The following HOMEZ variants were observed in gnomAD, a reference collection of about 807,000 sequenced individuals.
HOMEZ encodes the protein homeobox and leucine zipper protein Homez.
In HOMEZ, 20 loss-of-function variants were observed where a neutral mutation model predicts 50.1. That is an observed-to-expected ratio of 0.40 (90% CI 0.28 to 0.58). The LOEUF is 0.58. Ranked by LOEUF, HOMEZ falls within the 20% of genes least tolerant of loss-of-function variation. The probability of loss-of-function intolerance (pLI) is 0.46; values close to 1 mark genes in which losing one functional copy is unlikely to be tolerated. For synonymous variants in HOMEZ, 239 were observed against 254.7 expected (o/e 0.94, Z 0.59); for missense variants, 579 against 680.5 (o/e 0.85, Z 1.66).
At chr14:23,279,829 G>A (rs961932029) in intron 1 of HOMEZ, among the ~76,000 whole-genome samples, 1 of 152,068 alleles carries the variant, frequency 6.6e-6, no homozygotes, top group African/African-American at 2.4e-5. Flanking sequence ...CCAGGCTGGC[G>A]TGCTATGCAT....
rs1026766977 is a variant in HOMEZ, at chr14:23,273,381, T to G, written c.*2194A>C. ...TCTATGCTTAGTTACTATTAAATGTTAATTTTCCTTTCTATTGAAAACAAC... is the reference window on the plus strand; with the variant it reads ...TCTATGCTTAGTTACTATTAAATGTGAATTTTCCTTTCTATTGAAAACAAC... On this transcript the variant is annotated 3_prime_UTR_variant, in exon 2 of 2. Coordinates refer to ENST00000357460, the MANE Select transcript of HOMEZ (RefSeq NM_020834.3). The G allele has an allele frequency of 5.2e-5, 8 of 152,616 alleles. No individual in the cohort carries two copies. Among genetic ancestry groups the G allele is most frequent in the African/African-American group, 1.9e-4 (8 of 41,588 alleles). 9.5% of individuals were successfully genotyped at this position (152,616 alleles called of 1,614,324 possible).
At chr14:23,281,751 C>A (rs1191701876) in intron 1 of HOMEZ, among the ~76,000 whole-genome samples, 4 of 151,076 alleles carry the variant, frequency 2.6e-5, no homozygotes, top group Admixed American at 2.6e-4. Context: ...ATGGTTTGAG[C>A]CCAGGAGTTT....
chr14:23,281,798 C>CAAATAATA (rs1467056295), intron 1 of HOMEZ, among the ~76,000 whole-genome samples: 5 of 92,890 alleles, frequency 5.4e-5, no homozygotes, highest in African/African-American at 2.0e-4. Context: ...ACTGTCTCTA[C>CAAATAATA]AAATAATAAT....
At chr14:23,282,396 T>C (rs929673418) in intron 1 of HOMEZ, among the ~76,000 whole-genome samples, 2 of 151,700 alleles carry the variant, frequency 1.3e-5, no homozygotes, top group Admixed American at 6.6e-5. Context: ...GGTGTGTCAG[T>C]TGCCTATGTG....
chr14:23,272,562 A>G lies in HOMEZ; in HGVS notation c.*3013T>C, dbSNP rs1886186106. 1 of 467,816 alleles carries G rather than the reference A, an allele frequency of 2.1e-6. No individual in the cohort carries two copies. The highest frequency in any genetic ancestry group is 2.2e-5 in the South Asian group (1 of 45,136). The allele number at this position is 467,816 out of a possible 1,614,324, so 29.0% of individuals were successfully genotyped here. A position where few individuals can be genotyped will look rare whatever the true frequency, so the allele number is the denominator to read the frequency against. On this transcript the variant is annotated 3_prime_UTR_variant, in exon 2 of 2. Transcript: ENST00000357460. ...TCTGGGTGTGGTAGTCATATGTCCC[A>G]GATTTTCCAAAATAGTTTAATTTTC...
rs148005528 is a variant in HOMEZ at position 23,275,591 on chromosome 14, ACATCATCAT to A, written c.1628_1636del (p.Asp543_Asp545del). 1.9e-5 allele frequency: 28 copies of A among 1,498,404 alleles called. No homozygotes were observed. The East Asian group carries it at 4.5e-4, about 24-fold the overall frequency. 92.8% of individuals were successfully genotyped at this position (1,498,404 alleles called of 1,614,324 possible). A position where few individuals can be genotyped will look rare whatever the true frequency, so the allele number is the denominator to read the frequency against. On this transcript the variant is annotated inframe_deletion, in exon 2 of 2. Coordinates refer to ENST00000357460, the MANE Select transcript of HOMEZ (RefSeq NM_020834.3). ...GCTCCCCACTCAGTCTTGTATGATCACATCATCATCATCATCATCATCATCTTCCTCCTC... is the reference window on the plus strand; with the variant it reads ...GCTCCCCACTCAGTCTTGTATGATCACATCATCATCATCATCTTCCTCCTC...
At chr14:23,285,093 CA>C (rs1022378669) in intron 1 of HOMEZ, 6 of 152,166 alleles carry the variant, frequency 3.9e-5, no homozygotes, top group African/African-American at 1.4e-4. Flanking sequence ...ACCACTACAT[CA>C]AAAGATTGGT....
chr14:23,285,091 A>G (rs1438927615), intron 1 of HOMEZ: 1 of 152,232 alleles, frequency 6.6e-6, no homozygotes, highest in East Asian at 1.9e-4. Context: ...TCACCACTAC[A>G]TCAAAAGATT....
chr14:23,282,843 A>G (rs1225954357), intron 1 of HOMEZ, among the ~76,000 whole-genome samples: 1 of 152,216 alleles, frequency 6.6e-6, no homozygotes, highest in African/African-American at 2.4e-5. Flanking sequence ...TACTATATGC[A>G]TTCAGTTTTC....
rs1228899370 is a variant in HOMEZ at position 23,275,825 on chromosome 14, C to A, written c.1403G>T (p.Arg468Met). The A allele has an allele frequency of 2.5e-6, 4 of 1,605,560 alleles. No homozygotes were observed. The highest frequency in any genetic ancestry group is 3.4e-6 in the Non-Finnish European group (4 of 1,175,342). The change falls in exon 2 of 2, where the codon AGG becomes ATG. Residue 468 changes from arginine (R) to methionine (M), a missense_variant. Physicochemically the swap from Arg to Met is moderately conservative, Grantham distance 91. Coordinates refer to ENST00000357460, the MANE Select transcript of HOMEZ (RefSeq NM_020834.3). Reference sequence around the variant, plus strand: ...TAGCTGTTGGTGGGCTGCCCAGTACCTCTCCAAGGGTTGTATATCCGGTGG... The same window carrying A: ...TAGCTGTTGGTGGGCTGCCCAGTACATCTCCAAGGGTTGTATATCCGGTGG... ...PPPPDIQPLERYWAAHQQLRE... is the reference protein window; with the variant it reads ...PPPPDIQPLEMYWAAHQQLRE...
Position 23,286,104 on chromosome 14 carries a change from T to G in HOMEZ, c.-152A>C. ...GGGAGCGCGCCGGTCTACCCAGCCC[T>G]GCTCGAGCAAGTTGGAGGCGGGGCG... On this transcript the variant is annotated 5_prime_UTR_variant, in exon 1 of 2. Coordinates refer to ENST00000357460, the MANE Select transcript of HOMEZ (RefSeq NM_020834.3). 1 of 1,229,542 alleles carries G rather than the reference T, an allele frequency of 8.1e-7. No individual in the cohort carries two copies. Among genetic ancestry groups the G allele is most frequent in the Non-Finnish European group, 1.0e-6 (1 of 986,676 alleles). The allele number at this position is 1,229,542 out of a possible 1,614,324, so 76.2% of individuals were successfully genotyped here. A position where few individuals can be genotyped will look rare whatever the true frequency, so the allele number is the denominator to read the frequency against.
intron 1 of HOMEZ, chr14:23,284,975 T>C (rs1277784411): frequency 6.6e-6 from 1 of 152,114 alleles, no homozygotes; most frequent in Non-Finnish European, 1.5e-5. Context: ...GCATCCAAAG[T>C]TTTTAAAAGT....
Position 23,276,997 on chromosome 14 carries a change from A to G in HOMEZ, c.231T>C (p.Phe77=). 6.2e-7 allele frequency: 1 copy of G among 1,614,036 alleles called. No homozygotes were observed. The highest frequency in any genetic ancestry group is 8.5e-7 in the Non-Finnish European group (1 of 1,179,890). Reference sequence around the variant, plus strand: ...CAATGTCTGCTAGGCTGGGATAGGGAAAGTAGCTGAAGGTTTTGAGCAGGT... The same window carrying G: ...CAATGTCTGCTAGGCTGGGATAGGGGAAGTAGCTGAAGGTTTTGAGCAGGT... ...NEHLLKTFSY[F]PYPSLADIAL... is the part of the protein sequence containing the mutation. Residue 77 remains phenylalanine (F), a synonymous_variant, in exon 2 of 2, where the codon TTT becomes TTC. Transcript: ENST00000357460. The surrounding 1 kb of genome is among the most constrained non-coding windows in gnomAD (Gnocchi z 4.1).
intron 1 of HOMEZ, among the ~76,000 whole-genome samples, chr14:23,283,193 C>A (rs1458796837): frequency 2.0e-5 from 3 of 152,016 alleles, no homozygotes; most frequent in Non-Finnish European, 2.9e-5. Context: ...AAATTTGTAT[C>A]CTTATTAAAT....
chr14:23,277,048 C>T lies in HOMEZ; in HGVS notation c.180G>A (p.Gln60=). ...ELQLVWTQAA[Q]TSELDSNEHL... Reference sequence around the variant, plus strand: ...GTTCATTGCTGTCTAGCTCACTGGTCTGGGCTGCTTGCGTCCACACAAGCT... The same window carrying T: ...GTTCATTGCTGTCTAGCTCACTGGTTTGGGCTGCTTGCGTCCACACAAGCT... The change falls in exon 2 of 2, where the codon CAG becomes CAA. Residue 60 remains glutamine, a synonymous_variant. Coordinates refer to ENST00000357460, the MANE Select transcript of HOMEZ (RefSeq NM_020834.3). The T allele has an allele frequency of 2.9e-5, 46 of 1,614,000 alleles. No homozygotes were observed. Among genetic ancestry groups the T allele is most frequent in the Non-Finnish European group, 3.9e-5 (46 of 1,179,904 alleles).
Position 23,275,494 on chromosome 14 carries a change from A to G in HOMEZ, c.*81T>C. On this transcript the variant is annotated 3_prime_UTR_variant, in exon 2 of 2. Coordinates refer to ENST00000357460, the MANE Select transcript of HOMEZ (RefSeq NM_020834.3). Reference sequence around the variant, plus strand: ...TAGTTCTCTGCCACAAGGTAATTTTAAAAATGTGGTTTCTTTGTTTAAACA... The same window carrying G: ...TAGTTCTCTGCCACAAGGTAATTTTGAAAATGTGGTTTCTTTGTTTAAACA... 6.9e-7 allele frequency: 1 copy of G among 1,459,700 alleles called. No individual in the cohort carries two copies. The highest frequency in any genetic ancestry group is 1.5e-5 in the South Asian group (1 of 68,168). 90.4% of individuals were successfully genotyped at this position (1,459,700 alleles called of 1,614,324 possible).
intron 1 of HOMEZ, 77 bp from the exon 2 acceptor site, chr14:23,277,264 G>T: frequency 7.7e-7 from 1 of 1,290,910 alleles, no homozygotes; most frequent in African/African-American, 1.5e-5. Flanking sequence ...CAAACTAACT[G>T]CTGGACACCA....
chr14:23,285,596 T>A (rs879925898), intron 1 of HOMEZ: 1 of 297,056 alleles, frequency 3.4e-6, no homozygotes, highest in Non-Finnish European at 6.2e-6. Flanking sequence ...TCACAGGCAG[T>A]CCAGAAGGCT....
At position 23,276,206 on chromosome 14, in the gene HOMEZ, G is replaced by A. The variant is rs1167486370; in HGVS notation, c.1022C>T (p.Pro341Leu). 1.2e-6 allele frequency: 2 copies of A among 1,613,876 alleles called. No individual in the cohort carries two copies. The highest frequency in any genetic ancestry group is 1.7e-6 in the Non-Finnish European group (2 of 1,179,906). Residue 341 changes from proline to leucine, a missense_variant, in exon 2 of 2, where the codon CCA becomes CTA. By Grantham distance (98) the Pro-to-Leu change is moderately conservative. Transcript: ENST00000357460. The surrounding 1 kb of genome is among the most constrained non-coding windows in gnomAD (Gnocchi z 4.1). ...GTACTCTGTGGGGCCAACTCTACCT[G>A]GTACTGAGTTATGCCGTAGCCCTTG... ...WPQGLRHNSV[P>L]GRVGPTEYLS...
Sources: gnomAD v4.1 joint callset for allele counts (sites outside exome capture counted in the v4.1 genomes callset) on GRCh38, gnomAD v4.1.1 for gene constraint, Gnocchi (gnomAD v3.1) non-coding constraint, MANE v1.5 for transcripts, NCBI Gene and HGNC (gene_info 2026-07-23, HGNC 2026-07-21) for gene names.